PLEK2: variants seen among roughly 807,000 people sequenced by gnomAD.
PLEK2 encodes pleckstrin 2.
PLEK2 carries 29 observed loss-of-function variants against 43.8 expected under a neutral mutation model. The observed-to-expected ratio is 0.66, with a 90% CI of 0.49 to 0.90. PLEK2 has a LOEUF of 0.90. Among genes scored for constraint, PLEK2 ranks in the 40% least tolerant of loss-of-function variants. The pLI, the probability that PLEK2 is intolerant of heterozygous loss-of-function variation, is 0.00. For missense variants in PLEK2, 398 were observed against 448.1 expected, an observed-to-expected ratio of 0.89 and a Z score of 1.01; for synonymous variants, 162 against 173.2, an observed-to-expected ratio of 0.94 and a Z score of 0.51.
chr14:67,409,078 A>C (rs929005746), intron 1 of PLEK2, among the ~76,000 whole-genome samples: 1 of 150,282 alleles, frequency 6.7e-6, no homozygotes, highest in African/African-American at 2.4e-5. Flanking sequence ...ATAAAAAAAA[A>C]GCAAAAAACA....
chr14:67,391,056 G>T (rs2085962650), intron 6 of PLEK2, among the ~76,000 whole-genome samples: 1 of 152,134 alleles, frequency 6.6e-6, no homozygotes, highest in Non-Finnish European at 1.5e-5. Flanking sequence ...GGAGGCAGCA[G>T]GTGTCAGCTG....
chr14:67,406,361 C>A (rs887726541), intron 1 of PLEK2, among the ~76,000 whole-genome samples: 1 of 151,876 alleles, frequency 6.6e-6, no homozygotes, highest in African/African-American at 2.4e-5. Flanking sequence ...TCAGGAGAGG[C>A]TGAGGTGGGG....
chr14:67,391,079 A>G (rs2085962889), intron 6 of PLEK2, among the ~76,000 whole-genome samples: 1 of 152,176 alleles, frequency 6.6e-6, no homozygotes, highest in Non-Finnish European at 1.5e-5. Context: ...CTGGGAGCAC[A>G]CAGGCAAACT....
intron 1 of PLEK2, among the ~76,000 whole-genome samples, chr14:67,402,742 T>C (rs2086056928): frequency 6.6e-6 from 1 of 152,212 alleles, no homozygotes. Context: ...TCCACATTGT[T>C]GCAAATGACA....
intron 1 of PLEK2, among the ~76,000 whole-genome samples, chr14:67,399,669 G>T (rs2086034408): frequency 6.8e-6 from 1 of 147,910 alleles, no homozygotes; most frequent in Non-Finnish European, 1.5e-5. Flanking sequence ...GGAATAAAGA[G>T]AAGGGTGGTT....
chr14:67,399,703 A>G (rs1249950278), intron 1 of PLEK2, among the ~76,000 whole-genome samples: 2 of 130,802 alleles, frequency 1.5e-5, no homozygotes, highest in Non-Finnish European at 1.5e-5. Flanking sequence ...GGTGGCAGGA[A>G]TAAAGAGAAG....
At chr14:67,393,346 G>A (rs1177508944) in intron 3 of PLEK2, 105 bp from the exon 4 acceptor site, 12 of 791,046 alleles carry the variant, frequency 1.5e-5, no homozygotes, top group Non-Finnish European at 2.5e-5. Flanking sequence ...GGCAAATGGT[G>A]TGACACACAT....
intron 1 of PLEK2, among the ~76,000 whole-genome samples, chr14:67,399,346 G>T (rs1183727901): frequency 1.3e-5 from 2 of 150,836 alleles, no homozygotes; most frequent in African/African-American, 4.9e-5. Context: ...ATAAAGAGAA[G>T]GGTAGTTTAG....
chr14:67,393,999 C>T (rs1028406483), intron 3 of PLEK2, among the ~76,000 whole-genome samples: 2 of 152,142 alleles, frequency 1.3e-5, no homozygotes, highest in Non-Finnish European at 2.9e-5. Flanking sequence ...CTATTAAATG[C>T]CTCTTTGTGA....
In PLEK2 at chr14:67,410,982, C is replaced by T. The variant is rs563367617; in HGVS notation, c.42+1036G>A. ...GAAACATGGCGAAACCCTGTCTCCA[C>T]AAAAAAATACAAAAATTAGCTGGGC... On this transcript the variant is annotated intron_variant, in intron 1 of 8. Coordinates refer to ENST00000216446, the MANE Select transcript of PLEK2 (RefSeq NM_016445.3). Among the ~76,000 whole-genome samples, 42 of 151,568 alleles carry T rather than the reference C, an allele frequency of 2.8e-4. 1 individual carries two copies. In the South Asian group the frequency reaches 7.7e-3, roughly 28 times the overall value.
At chr14:67,401,214 C>T (rs909616284) in intron 1 of PLEK2, among the ~76,000 whole-genome samples, 1 of 151,638 alleles carries the variant, frequency 6.6e-6, no homozygotes, top group African/African-American at 2.4e-5. Context: ...AGGTTGGCTG[C>T]GGTGGCTCAG....
chr14:67,404,219 G>C (rs1042596829), intron 1 of PLEK2, among the ~76,000 whole-genome samples: 1 of 152,184 alleles, frequency 6.6e-6, no homozygotes, highest in African/African-American at 2.4e-5. Context: ...CCTAAGAGAT[G>C]GTAGGCCACT....
In PLEK2 at chr14:67,395,390, T is replaced by A; in HGVS notation, c.389+12A>T. 1 of 1,612,054 alleles carries A rather than the reference T, an allele frequency of 6.2e-7. No homozygotes were observed. The highest frequency in any genetic ancestry group is 8.5e-7 in the Non-Finnish European group (1 of 1,178,780). ...AGAGGCTGCCACAGAGCCCGGCAAGTGGGGCACTCACTGCAGGCTGATGTG... is the reference window on the plus strand; with the variant it reads ...AGAGGCTGCCACAGAGCCCGGCAAGAGGGGCACTCACTGCAGGCTGATGTG... On this transcript the variant is annotated intron_variant, in intron 3 of 8. Transcript: ENST00000216446.
At chr14:67,389,081 G>A (rs1352779345) in intron 7 of PLEK2, among the ~76,000 whole-genome samples, 3 of 151,968 alleles carry the variant, frequency 2.0e-5, no homozygotes, top group Middle Eastern at 3.4e-3. Flanking sequence ...ACAAAACTGC[G>A]ATTGGTGGTA....
chr14:67,405,769 T>C (rs951757404), intron 1 of PLEK2, among the ~76,000 whole-genome samples: 9 of 152,176 alleles, frequency 5.9e-5, no homozygotes, highest in East Asian at 1.9e-4. Flanking sequence ...AGCAGCCCAA[T>C]TGAGAGGTGA....
chr14:67,397,587 C>G, intron 2 of PLEK2, 75 bp downstream of exon 2: 10 of 1,297,678 alleles, frequency 7.7e-6, no homozygotes, highest in South Asian at 4.6e-5. Context: ...CCTACCCACA[C>G]CACTTTCCCA....
At chr14:67,397,527 G>A in intron 2 of PLEK2, 135 bp downstream of exon 2, 2 of 686,988 alleles carry the variant, frequency 2.9e-6, no homozygotes, top group Non-Finnish European at 4.8e-6. Flanking sequence ...GTATGTGGCG[G>A]AGCCAGGATT....
At chr14:67,395,679 A>C in intron 2 of PLEK2, 96 bp from the exon 3 acceptor site, 1 of 919,064 alleles carries the variant, frequency 1.1e-6, no homozygotes, top group Non-Finnish European at 1.7e-6. Flanking sequence ...TCTAGGTGAC[A>C]GTGACTGCCA....
chr14:67,392,435 G>A lies in PLEK2; in HGVS notation c.670-8C>T, dbSNP rs572561274. 49 of 1,596,462 alleles carry A rather than the reference G, an allele frequency of 3.1e-5. 1 individual carries two copies. In the South Asian group the frequency reaches 5.1e-4, roughly 17 times the overall value. ...CTTTTTGTAGCTCTCAGCCTAGGGGGAAGGAGGGAGCAAGGACTCTGCTAC... is the reference window on the plus strand; with the variant it reads ...CTTTTTGTAGCTCTCAGCCTAGGGGAAAGGAGGGAGCAAGGACTCTGCTAC... On this transcript the variant is annotated splice_region_variant and splice_polypyrimidine_tract_variant and intron_variant, in intron 5 of 8. Transcript: ENST00000216446.
Sources: gnomAD v4.1 joint callset for allele counts (sites outside exome capture counted in the v4.1 genomes callset) on GRCh38, gnomAD v4.1.1 for gene constraint, MANE v1.5 for transcripts, NCBI Gene and HGNC (gene_info 2026-07-23, HGNC 2026-07-21) for gene names.